The following KAZN variants were observed in gnomAD, a reference collection of about 807,000 sequenced individuals.
KAZN encodes kazrin, periplakin interacting protein.
KAZN carries 40 observed loss-of-function variants against 87.4 expected under a neutral mutation model. That is an observed-to-expected ratio of 0.46 (90% CI 0.36 to 0.60). The LOEUF is 0.60. Among genes scored for constraint, KAZN ranks in the 20% least tolerant of loss-of-function variants. The pLI is 0.00. For synonymous variants in KAZN, 466 were observed against 458.3 expected (o/e 1.02, Z -0.22); for missense variants, 898 against 1,073.9 (o/e 0.84, Z 2.29).
chr1:14,068,799 CTTT>C (rs5772562), intron 1 of KAZN, among the ~76,000 whole-genome samples: 22 of 136,756 alleles, frequency 1.6e-4, no homozygotes, highest in Non-Finnish European at 1.6e-4. Context: ...GTTGAGTTCT[CTTT>C]TTTTTTTTTT....
chr1:14,920,498 C>G lies in KAZN; in HGVS notation c.227-40186C>G, dbSNP rs539592741. ...TGCTGTCTTTCCGGACCCCCAAATC[C>G]CCCCTTCCTGCTGCCCCACGGAGGC... On this transcript the variant is annotated intron_variant, in intron 1 of 14. Coordinates refer to ENST00000376030, the MANE Select transcript of KAZN (RefSeq NM_201628.3). Among the ~76,000 whole-genome samples, 202 of 152,010 alleles carry G rather than the reference C, an allele frequency of 1.3e-3. 1 individual carries two copies. The highest frequency in any genetic ancestry group is 2.3e-3 in the Non-Finnish European group (155 of 67,980).
intron 2 of KAZN, among the ~76,000 whole-genome samples, chr1:14,986,375 A>G (rs1666826198): frequency 6.6e-6 from 1 of 152,176 alleles, no homozygotes; most frequent in Non-Finnish European, 1.5e-5. Context: ...TGTGCCTTGC[A>G]CTGGCCAAGC....
chr1:14,389,754 G>A (rs1662258880), intron 2 of KAZN, among the ~76,000 whole-genome samples: 2 of 152,160 alleles, frequency 1.3e-5, no homozygotes, highest in Non-Finnish European at 2.9e-5. Context: ...GATGGATAAT[G>A]GGTACAAAAA....
intron 2 of KAZN, among the ~76,000 whole-genome samples, chr1:14,398,651 C>T (rs771398050): frequency 1.3e-5 from 2 of 152,152 alleles, no homozygotes; most frequent in East Asian, 1.9e-4. Context: ...GAAGAGGAAA[C>T]GTAATCAAGA....
intron 2 of KAZN, among the ~76,000 whole-genome samples, chr1:14,374,035 G>A (rs1328829): frequency 0.024 from 3,657 of 152,218 alleles, 135 homozygotes; most frequent in African/African-American, 0.083. Flanking sequence ...AGTTACTGAC[G>A]TTCATGTCCA....
At chr1:13,952,552 AG>A (rs1641393053) in intron 1 of KAZN, among the ~76,000 whole-genome samples, 2 of 151,918 alleles carry the variant, frequency 1.3e-5, no homozygotes, top group Non-Finnish European at 2.9e-5. Flanking sequence ...TGACTCAGGG[AG>A]GAGTTGTGGT....
intron 1 of KAZN, among the ~76,000 whole-genome samples, chr1:13,914,113 T>C (rs1005296): frequency 0.2 from 30,544 of 152,132 alleles, 3,441 homozygotes; most frequent in Non-Finnish European, 0.26. Context: ...AATTTCAAGC[T>C]CATAGGGATG....
Position 14,373,855 on chromosome 1 carries a change from T to A in KAZN, c.249+193263T>A, listed in dbSNP as rs752850068. Among the ~76,000 whole-genome samples, 8 of 152,164 alleles carry A rather than the reference T, an allele frequency of 5.3e-5. 1 individual carries two copies. Among genetic ancestry groups the A allele is most frequent in the African/African-American group, 9.7e-5 (4 of 41,434 alleles). On this transcript the variant is annotated intron_variant, in intron 2 of 16. Coordinates refer to the KAZN transcript ENST00000636203. ...ATGAAAGTTGTGCCTCTTCACTAAG[T>A]AAGATGTAATTTGCTAGGGATTTGG...
chr1:14,618,005 C>T (rs970638606), intron 1 of KAZN, among the ~76,000 whole-genome samples: 4 of 152,306 alleles, frequency 2.6e-5, no homozygotes, highest in Non-Finnish European at 5.9e-5. Flanking sequence ...GAGGGAGCCC[C>T]GCTGACTTGC....
chr1:14,008,138 G>T (rs2101174848), intron 1 of KAZN, among the ~76,000 whole-genome samples: 1 of 152,266 alleles, frequency 6.6e-6, no homozygotes, highest in Non-Finnish European at 1.5e-5. Context: ...CAACCCCTGT[G>T]TTTAATGTTC....
At chr1:14,232,751 A>G (rs1647989362) in intron 2 of KAZN, among the ~76,000 whole-genome samples, 1 of 152,164 alleles carries the variant, frequency 6.6e-6, no homozygotes. Context: ...AGTTTTATTA[A>G]TCTTCCTTCA....
rs564200443 is a variant in KAZN at position 14,224,163 on chromosome 1, A to G, written c.249+43571A>G. 3.9e-5 allele frequency among the ~76,000 whole-genome samples: 6 copies of G among 152,306 alleles called. No individual in the cohort carries two copies. The South Asian group carries it at 1.2e-3, about 32-fold the overall frequency. ...CCCAACTGTCATTGATTTTTATGTGAAAGTCAGTAGTTATTTCGGTGTAAT... is the reference window on the plus strand; with the variant it reads ...CCCAACTGTCATTGATTTTTATGTGGAAGTCAGTAGTTATTTCGGTGTAAT... On this transcript the variant is annotated intron_variant, in intron 2 of 16. Coordinates refer to the KAZN transcript ENST00000636203.
chr1:14,077,792 A>T (rs12407683), intron 1 of KAZN, among the ~76,000 whole-genome samples: 15,320 of 152,188 alleles, frequency 0.1, 935 homozygotes, highest in East Asian at 0.13. Context: ...ATATGGCTGG[A>T]GTTCTTACAC....
At chr1:14,500,414 A>C (rs1670174989) in intron 2 of KAZN, among the ~76,000 whole-genome samples, 1 of 152,124 alleles carries the variant, frequency 6.6e-6, no homozygotes, top group South Asian at 2.1e-4. Flanking sequence ...AATTTCTCAA[A>C]ACTTAAGTAG....
At chr1:15,049,981 T>A (rs1674123760) in intron 4 of KAZN, among the ~76,000 whole-genome samples, 1 of 151,776 alleles carries the variant, frequency 6.6e-6, no homozygotes, top group Non-Finnish European at 1.5e-5. Context: ...ATCACACCAT[T>A]GCCCTCCAGC....
intron 1 of KAZN, among the ~76,000 whole-genome samples, chr1:14,783,270 G>A (rs1287500486): frequency 6.6e-6 from 1 of 152,172 alleles, no homozygotes; most frequent in Non-Finnish European, 1.5e-5. Context: ...AGGTCATGCA[G>A]GAATTCATCC....
intron 1 of KAZN, among the ~76,000 whole-genome samples, chr1:14,947,163 G>A (rs1661912648): frequency 6.6e-6 from 1 of 152,254 alleles, no homozygotes; most frequent in Admixed American, 6.5e-5. Flanking sequence ...CTCCCGATCT[G>A]CAGTGAGCTT....
At chr1:13,948,595 TG>T (rs1462621458) in intron 1 of KAZN, among the ~76,000 whole-genome samples, 7 of 152,102 alleles carry the variant, frequency 4.6e-5, no homozygotes, top group African/African-American at 1.7e-4. Context: ...AAGGGGGCAG[TG>T]GAGAGGCTTC....
At chr1:14,887,571 T>C (rs774615316) in intron 1 of KAZN, among the ~76,000 whole-genome samples, 3 of 152,048 alleles carry the variant, frequency 2.0e-5, no homozygotes, top group Non-Finnish European at 2.9e-5. Flanking sequence ...ATTTTTTTAG[T>C]GTCTAGGAAA....
Sources: gnomAD v4.1 joint callset for allele counts (sites outside exome capture counted in the v4.1 genomes callset) on GRCh38, gnomAD v4.1.1 for gene constraint, MANE v1.5 for transcripts, NCBI Gene and HGNC (gene_info 2026-07-23, HGNC 2026-07-21) for gene names.